RNF150: variants seen among roughly 807,000 people sequenced by gnomAD.
RNF150 encodes the protein ring finger protein 150.
A neutral mutation model predicts 39.3 loss-of-function variants in RNF150; 24 were observed. The observed-to-expected ratio is 0.61, with a 90% CI of 0.44 to 0.86. The LOEUF (loss-of-function observed/expected upper bound fraction) is 0.86, where lower values mean the gene tolerates loss of function less well. Among genes scored for constraint, RNF150 ranks in the 40% least tolerant of loss-of-function variants. The pLI, the probability that RNF150 is intolerant of heterozygous loss-of-function variation, is 0.00. For synonymous variants in RNF150, 255 were observed against 227.3 expected (o/e 1.12, Z -1.10); for missense variants, 502 against 587.8 (o/e 0.85, Z 1.51).
intron 1 of RNF150, among the ~76,000 whole-genome samples, chr4:141,000,087 G>GTAGA: frequency 2.8e-5 from 1 of 35,936 alleles, no homozygotes; most frequent in East Asian, 1.2e-3. Flanking sequence ...GAAGAAGAAG[G>GTAGA]AGAAGAAGAA....
At chr4:140,912,967 A>T (rs1437957345) in intron 5 of RNF150, among the ~76,000 whole-genome samples, 437 of 33,472 alleles carry the variant, frequency 0.013, 3 homozygotes, top group Middle Eastern at 0.088. Flanking sequence ...CATAAAAAAA[A>T]AAAAAAAAAA....
At chr4:141,091,139 C>T (rs1738565042) in intron 1 of RNF150, among the ~76,000 whole-genome samples, 1 of 152,196 alleles carries the variant, frequency 6.6e-6, no homozygotes, top group Admixed American at 6.5e-5. Flanking sequence ...TGAATTCCAG[C>T]TCTGTTCCTT....
At position 141,020,205 on chromosome 4, in the gene RNF150, T is replaced by C. The variant is rs532939392; in HGVS notation, c.485-52332A>G. ...TTTAGCTTGACTGCTCCATTGCCTATGGTGTACTTTCACTGAATGTCTGGT... is the reference window on the plus strand; with the variant it reads ...TTTAGCTTGACTGCTCCATTGCCTACGGTGTACTTTCACTGAATGTCTGGT... On this transcript the variant is annotated intron_variant, in intron 1 of 6. Transcript: ENST00000515673. 1.7e-4 allele frequency among the ~76,000 whole-genome samples: 26 copies of C among 152,252 alleles called. No individual in the cohort carries two copies. The East Asian group carries it at 4.4e-3, about 26-fold the overall frequency.
At chr4:141,191,426 T>C (rs1347221580) in intron 1 of RNF150, among the ~76,000 whole-genome samples, 1 of 152,168 alleles carries the variant, frequency 6.6e-6, no homozygotes, top group African/African-American at 2.4e-5. Flanking sequence ...TTCATCCACA[T>C]CCCTCAATTC....
rs571096526 is a variant in RNF150, at chr4:141,112,724, G to A, written c.484+19601C>T. Among the ~76,000 whole-genome samples, 304 of 152,220 alleles carry A rather than the reference G, an allele frequency of 2.0e-3. 3 individuals are homozygous for A. The highest frequency in any genetic ancestry group is 6.5e-3 in the African/African-American group (270 of 41,540). ...GTCTTGGGGTTGCTCTTCTTGAGGAGTATCTTTGTGGTGTTCTCTGTATTT... is the reference window on the plus strand; with the variant it reads ...GTCTTGGGGTTGCTCTTCTTGAGGAATATCTTTGTGGTGTTCTCTGTATTT... On this transcript the variant is annotated intron_variant, in intron 1 of 6. Coordinates refer to ENST00000515673, the MANE Select transcript of RNF150 (RefSeq NM_020724.2).
intron 2 of RNF150, among the ~76,000 whole-genome samples, chr4:140,962,835 GT>G (rs1032728513): frequency 7.9e-5 from 12 of 151,886 alleles, no homozygotes; most frequent in Non-Finnish European, 1.3e-4. Flanking sequence ...AATTAAGTAA[GT>G]TTCCCATTTT....
At chr4:141,076,884 T>C (rs1053287330) in intron 1 of RNF150, among the ~76,000 whole-genome samples, 3 of 152,168 alleles carry the variant, frequency 2.0e-5, no homozygotes, top group African/African-American at 7.2e-5. Flanking sequence ...TCTCGCATGG[T>C]CTAGACGATC....
rs112953937 is a variant in RNF150 at position 140,966,136 on chromosome 4, A to C, written c.735+1487T>G. 5.0e-3 allele frequency among the ~76,000 whole-genome samples: 768 copies of C among 152,168 alleles called. 11 individuals carry two copies. The highest frequency in any genetic ancestry group is 0.018 in the African/African-American group (745 of 41,550). On this transcript the variant is annotated intron_variant, in intron 2 of 6. Coordinates refer to ENST00000515673, the MANE Select transcript of RNF150 (RefSeq NM_020724.2). ...GATTACTTGAGGTCAGGAGTTTGAG[A>C]CTAGCCTGGCCAACATAGTGAAAAC...
chr4:141,095,086 A>C (rs962654129), intron 1 of RNF150, among the ~76,000 whole-genome samples: 2 of 152,244 alleles, frequency 1.3e-5, no homozygotes, highest in African/African-American at 4.8e-5. Flanking sequence ...TCCAAGGAGG[A>C]AGAGGCTCCT....
intron 6 of RNF150, among the ~76,000 whole-genome samples, chr4:140,891,346 C>T (rs993274028): frequency 6.6e-5 from 10 of 152,198 alleles, no homozygotes; most frequent in African/African-American, 2.4e-4. Flanking sequence ...AGAACTAGGA[C>T]TTGAACCTAG....
At chr4:141,142,844 AC>A (rs1199722062) in intron 1 of RNF150, among the ~76,000 whole-genome samples, 2 of 144,522 alleles carry the variant, frequency 1.4e-5, no homozygotes, top group South Asian at 2.3e-4. Flanking sequence ...TAGGTGATCT[AC>A]CCCCATTCTA....
At chr4:140,965,007 GA>G (rs1288167340) in intron 2 of RNF150, among the ~76,000 whole-genome samples, 11 of 151,568 alleles carry the variant, frequency 7.3e-5, no homozygotes, top group East Asian at 1.9e-4. Context: ...TAGGCCATCT[GA>G]AAAAAAATAA....
intron 1 of RNF150, among the ~76,000 whole-genome samples, chr4:141,072,911 T>C (rs1737759491): frequency 2.0e-5 from 3 of 152,178 alleles, no homozygotes; most frequent in Non-Finnish European, 1.5e-5. Flanking sequence ...TGAATCACTA[T>C]GCTTTCTACA....
intron 6 of RNF150, among the ~76,000 whole-genome samples, chr4:140,891,138 T>G (rs930768562): frequency 3.9e-5 from 6 of 152,202 alleles, no homozygotes; most frequent in Non-Finnish European, 7.3e-5. Flanking sequence ...AATGATAGAT[T>G]TGGCCAAGAA....
intron 1 of RNF150, among the ~76,000 whole-genome samples, chr4:141,110,185 GCCT>G (rs1348624434): frequency 1.3e-5 from 2 of 152,164 alleles, no homozygotes; most frequent in East Asian, 3.9e-4. Context: ...GCCTCGGTCT[GCCT>G]CCTAATGGCA....
intron 1 of RNF150, among the ~76,000 whole-genome samples, chr4:141,003,566 TACACACACACACACACACACACACAC>T (rs70946725): frequency 1.4e-5 from 2 of 142,460 alleles, no homozygotes; most frequent in African/African-American, 5.4e-5. Flanking sequence ...CCCTAGCACG[TACACACACACACACACACACACACAC>T]ACACACACAC....
At chr4:141,066,629 T>G (rs1392529601) in intron 1 of RNF150, among the ~76,000 whole-genome samples, 1 of 152,218 alleles carries the variant, frequency 6.6e-6, no homozygotes, top group Non-Finnish European at 1.5e-5. Flanking sequence ...GCTGACGATA[T>G]TTCTACAAAT....
At chr4:141,078,045 T>C (rs1329160782) in intron 1 of RNF150, among the ~76,000 whole-genome samples, 1 of 152,164 alleles carries the variant, frequency 6.6e-6, no homozygotes, top group Non-Finnish European at 1.5e-5. Context: ...TTTTTTTTTC[T>C]TGAAACCTAA....
At chr4:141,124,350 A>G (rs990103634) in intron 1 of RNF150, among the ~76,000 whole-genome samples, 24 of 152,240 alleles carry the variant, frequency 1.6e-4, no homozygotes, top group Non-Finnish European at 3.1e-4. Flanking sequence ...GGGGACCAGC[A>G]GGAGGAGGCT....
Sources: gnomAD v4.1 joint callset for allele counts (sites outside exome capture counted in the v4.1 genomes callset) on GRCh38, gnomAD v4.1.1 for gene constraint, MANE v1.5 for transcripts, NCBI Gene and HGNC (gene_info 2026-07-23, HGNC 2026-07-21) for gene names.